KAT6B: variants seen among roughly 807,000 people sequenced by gnomAD.
KAT6B encodes lysine acetyltransferase 6B, also known as histone acetyltransferase KAT6B.
KAT6B carries 10 observed loss-of-function variants against 187.5 expected under a neutral mutation model. That is an observed-to-expected ratio of 0.05 (90% CI 0.03 to 0.09). The LOEUF (loss-of-function observed/expected upper bound fraction) is 0.09. Ranked by LOEUF, KAT6B falls within the 10% of genes least tolerant of loss-of-function variation. KAT6B has a pLI of 1.00. For synonymous variants in KAT6B, 861 were observed against 926.8 expected (o/e 0.93, Z 1.29); for missense variants, 1,952 against 2,558.9 (o/e 0.76, Z 5.12).
At chr10:74,942,746 CAA>C (rs1421820337) in intron 3 of KAT6B, among the ~76,000 whole-genome samples, 1 of 93,656 alleles carries the variant, frequency 1.1e-5, no homozygotes, top group Non-Finnish European at 1.9e-5. Context: ...GCCTAGGCAA[CAA>C]GAGCGAAACT....
At position 74,828,541 on chromosome 10, in the gene KAT6B, T is replaced by C. The variant is rs1442083120; in HGVS notation, c.-329+1756T>C. On this transcript the variant is annotated intron_variant, in intron 1 of 17. Coordinates refer to ENST00000287239, the MANE Select transcript of KAT6B (RefSeq NM_012330.4). Reference sequence around the variant, plus strand: ...CATAGCCTTGAAATAAAACACTCCATTTTTTTCTTACTCATAAGTTCTTTT... The same window carrying C: ...CATAGCCTTGAAATAAAACACTCCACTTTTTTCTTACTCATAAGTTCTTTT... Among the ~76,000 whole-genome samples the C allele has an allele frequency of 6.6e-5, 10 of 151,426 alleles. No individual in the cohort carries two copies. In the East Asian group the frequency reaches 1.7e-3, roughly 26 times the overall value.
At chr10:75,008,265 G>A (rs2395126) in intron 13 of KAT6B, among the ~76,000 whole-genome samples, 18,671 of 152,058 alleles carry the variant, frequency 0.12, 2,239 homozygotes, top group African/African-American at 0.31. Flanking sequence ...TTTGTGGGAA[G>A]AACAGCACCA....
chr10:74,878,912 T>C (rs757375181), intron 3 of KAT6B, among the ~76,000 whole-genome samples: 1 of 152,144 alleles, frequency 6.6e-6, no homozygotes, highest in Non-Finnish European at 1.5e-5. Context: ...AAATAGCTGC[T>C]TCATATCTAG....
chr10:74,879,119 G>T (rs1450809152), intron 3 of KAT6B, among the ~76,000 whole-genome samples: 11 of 152,208 alleles, frequency 7.2e-5, no homozygotes, highest in Admixed American at 4.6e-4. Flanking sequence ...AGTCTCTTTG[G>T]TTAGAAGGCA....
chr10:74,825,010 C>T (rs1840088239), upstream of KAT6B, among the ~76,000 whole-genome samples: 1 of 152,312 alleles, frequency 6.6e-6, no homozygotes, highest in Admixed American at 6.5e-5. The surrounding 1 kb of genome is among the most constrained non-coding windows in gnomAD (Gnocchi z 5.0). Context: ...CCCTCCAGCC[C>T]GCGTCTGACA....
intron 12 of KAT6B, among the ~76,000 whole-genome samples, chr10:74,988,758 A>G (rs1370485373): frequency 4.6e-5 from 7 of 152,184 alleles, no homozygotes; most frequent in Admixed American, 4.6e-4. Context: ...TATTTGGTTC[A>G]TATATTTCCT....
At chr10:75,008,604 C>T (rs1038528658) in intron 13 of KAT6B, among the ~76,000 whole-genome samples, 1 of 152,156 alleles carries the variant, frequency 6.6e-6, no homozygotes, top group Non-Finnish European at 1.5e-5. Context: ...TTTTCTCTAC[C>T]AAAGCAGAAG....
intron 3 of KAT6B, among the ~76,000 whole-genome samples, chr10:74,915,303 A>G (rs1847593679): frequency 6.6e-6 from 1 of 152,194 alleles, no homozygotes. Context: ...CCCATTGCAC[A>G]TCCAGCATTC....
rs1286645064 is a variant in KAT6B, at chr10:74,981,352, T to TTCCTTTC, written c.2232-434_2232-433insCCTTTCT. Among the ~76,000 whole-genome samples the TTCCTTTC allele has an allele frequency of 9.4e-4, 102 of 108,604 alleles. 2 individuals are homozygous for TTCCTTTC. Among genetic ancestry groups the TTCCTTTC allele is most frequent in the African/African-American group, 4.8e-3 (99 of 20,536 alleles). 71.2% of individuals were successfully genotyped at this position (108,604 alleles called of 152,430 possible). A position where few individuals can be genotyped will look rare whatever the true frequency, so the allele number is the denominator to read the frequency against. ...CTTCCTTCCTTCCTTTCTTCCTTTC[T>TTCCTTTC]TTCCTTTCTTTCCTTTCTTTCCTTT... On this transcript the variant is annotated intron_variant, in intron 10 of 17. Transcript: ENST00000287239.
At chr10:74,980,729 G>A (rs1290813268) in intron 10 of KAT6B, among the ~76,000 whole-genome samples, 2 of 152,162 alleles carry the variant, frequency 1.3e-5, no homozygotes, top group African/African-American at 4.8e-5. Context: ...TACCAGCCAT[G>A]TTCATTAAGA....
intron 3 of KAT6B, among the ~76,000 whole-genome samples, chr10:74,933,084 TGAATAGA>T (rs1354309797): frequency 6.6e-6 from 1 of 152,152 alleles, no homozygotes; most frequent in Non-Finnish European, 1.5e-5. Context: ...CATCCACCAT[TGAATAGA>T]GTGGAGAGAG....
In KAT6B at chr10:75,029,618, C is replaced by A; in HGVS notation, c.4794C>A (p.Ser1598Arg). 6.2e-7 allele frequency: 1 copy of A among 1,614,134 alleles called. No homozygotes were observed. Among genetic ancestry groups the A allele is most frequent in the Non-Finnish European group, 8.5e-7 (1 of 1,180,022 alleles). The change falls in exon 18 of 18, where the codon AGC becomes AGA. Residue 1598 changes from serine to arginine, a missense_variant. Around this residue, in one of 9 missense-constraint regions of KAT6B, gnomAD observed 758 missense variants for 891.4 expected, o/e 0.85. Coordinates refer to ENST00000287239, the MANE Select transcript of KAT6B (RefSeq NM_012330.4). This position sits in a 1 kb window ranked among gnomAD's most constrained non-coding sequence, Gnocchi z 6.2. ...ATTGCCAACAGTCGGACCACAGTAG[C>A]CCAGTTTCATCCGTCCACTCCCATC... is the stretch of plus-strand genomic sequence containing the variant. ...LDDCQQSDHS[S>R]PVSSVHSHPG...
chr10:74,948,030 C>G, intron 3 of KAT6B, among the ~76,000 whole-genome samples: 1 of 152,088 alleles, frequency 6.6e-6, no homozygotes, highest in East Asian at 1.9e-4. Context: ...GAATTAACTC[C>G]AAAAAACAAG....
chr10:74,923,711 C>T (rs1162155676), intron 3 of KAT6B, among the ~76,000 whole-genome samples: 1 of 152,044 alleles, frequency 6.6e-6, no homozygotes, highest in Non-Finnish European at 1.5e-5. Context: ...AGGGGAGAGT[C>T]GTCAAGTAGT....
intron 13 of KAT6B, 151 bp downstream of exon 13, chr10:74,989,263 T>G: frequency 3.0e-6 from 2 of 675,406 alleles, no homozygotes; most frequent in Non-Finnish European, 5.4e-6. Flanking sequence ...TTAGAACATC[T>G]TCCTCAAGTG....
intron 13 of KAT6B, among the ~76,000 whole-genome samples, chr10:75,017,287 CA>C (rs1845045924): frequency 3.3e-5 from 5 of 151,818 alleles, no homozygotes; most frequent in Non-Finnish European, 7.4e-5. Flanking sequence ...ATGTTCTTAC[CA>C]AAAATTTTTC....
chr10:75,002,186 G>A (rs941436516), intron 13 of KAT6B, among the ~76,000 whole-genome samples: 9 of 152,108 alleles, frequency 5.9e-5, no homozygotes, highest in Non-Finnish European at 1.3e-4. Context: ...TACATGATGA[G>A]GGAGATCATG....
intron 7 of KAT6B, among the ~76,000 whole-genome samples, chr10:74,974,846 A>C (rs1015199256): frequency 1.3e-5 from 2 of 152,192 alleles, no homozygotes; most frequent in African/African-American, 4.8e-5. Context: ...TCCTAAGCAC[A>C]AACTGCTGAG....
intron 3 of KAT6B, among the ~76,000 whole-genome samples, chr10:74,930,010 C>T (rs1848759502): frequency 6.6e-6 from 1 of 151,422 alleles, no homozygotes; most frequent in Admixed American, 6.6e-5. Context: ...ACCTCTACCT[C>T]CTGGGTTCAA....
Sources: allele counts gnomAD v4.1 joint callset (sites outside exome capture counted in the v4.1 genomes callset), GRCh38; gene constraint gnomAD v4.1.1; regional missense constraint gnomAD v4.1.1; non-coding constraint Gnocchi (gnomAD v3.1); transcripts MANE v1.5; gene names NCBI Gene and HGNC (gene_info 2026-07-23, HGNC 2026-07-21).